The following SLCO1A2 variants were observed in gnomAD, a reference collection of about 807,000 sequenced individuals.
SLCO1A2 encodes the protein OATP-1.
A neutral mutation model predicts 69.0 loss-of-function variants in SLCO1A2; 67 were observed. The ratio of observed to expected loss-of-function variants is 0.97; its 90% CI spans 0.80 to 1.19. The LOEUF is 1.19. Among genes scored for constraint, SLCO1A2 ranks in the 50% most tolerant of loss-of-function variants. SLCO1A2 has a pLI of 0.00. For synonymous variants in SLCO1A2, 260 were observed against 265.9 expected (o/e 0.98, Z 0.22); for missense variants, 787 against 793.7 (o/e 0.99, Z 0.10).
chr12:21,289,820 G>A (rs1946555954), intron 12 of SLCO1A2, among the ~76,000 whole-genome samples: 1 of 151,936 alleles, frequency 6.6e-6, no homozygotes, highest in Non-Finnish European at 1.5e-5. Context: ...TAAAGTGGGG[G>A]CAGTCTTGTA....
At chr12:21,295,924 T>A in intron 9 of SLCO1A2, 132 bp from the exon 10 acceptor site, 1 of 589,454 alleles carries the variant, frequency 1.7e-6, no homozygotes, top group Non-Finnish European at 3.0e-6. Flanking sequence ...ATGATTTAAT[T>A]TTATCCCCAC....
rs1555105394 is a variant in SLCO1A2 at position 21,276,421 on chromosome 12, C to CAG, written c.1611-998_1611-997insCT. Among the ~76,000 whole-genome samples the CAG allele has an allele frequency of 2.5e-4, 37 of 145,296 alleles. 1 individual carries two copies. In the South Asian group the frequency reaches 7.6e-3, roughly 30 times the overall value. On this transcript the variant is annotated intron_variant, in intron 12 of 14. Transcript: ENST00000683939. ...ACACACACACACACACACACACACA[C>CAG]ACAGACCTATCTGTCCAAAATAGTG...
At chr12:21,354,848 G>A (rs996481479) in intron 2 of SLCO1A2, 1 of 151,228 alleles carries the variant, frequency 6.6e-6, no homozygotes, top group Non-Finnish European at 1.5e-5. Context: ...ATCTTTCTTT[G>A]GCTCCTACTT....
At chr12:21,299,365 C>G (rs1948216355) in intron 8 of SLCO1A2, among the ~76,000 whole-genome samples, 1 of 149,080 alleles carries the variant, frequency 6.7e-6, no homozygotes, top group Admixed American at 6.6e-5. Flanking sequence ...TATTGAGGTT[C>G]TGTACCAAAA....
intron 10 of SLCO1A2, 32 bp from the exon 11 acceptor site, chr12:21,294,142 T>A: frequency 6.8e-7 from 1 of 1,463,358 alleles, no homozygotes; most frequent in Non-Finnish European, 9.2e-7. Flanking sequence ...CCATAGATAT[T>A]AAAAGAGGAT....
At chr12:21,304,741 T>G (rs1949141722) in intron 5 of SLCO1A2, among the ~76,000 whole-genome samples, 168 bp from the exon 6 acceptor site, 1 of 152,224 alleles carries the variant, frequency 6.6e-6, no homozygotes, top group African/African-American at 2.4e-5. Context: ...TAGTGCATTT[T>G]CTGACAGTGG....
intron 2 of SLCO1A2, chr12:21,355,037 T>C (rs191597781): frequency 6.6e-6 from 1 of 152,258 alleles, no homozygotes; most frequent in African/African-American, 2.4e-5. Context: ...AAATGGCACA[T>C]ATGTTCAAAA....
In SLCO1A2 at chr12:21,280,825, T is replaced by C. The variant is rs577513862; in HGVS notation, c.1611-5401A>G. 3.3e-5 allele frequency among the ~76,000 whole-genome samples: 5 copies of C among 152,172 alleles called. No homozygotes were observed. The East Asian group carries it at 7.7e-4, about 23-fold the overall frequency. ...CCAGCACATGGATCATTCTCAAGGA[T>C]AGACCATATGTTAGCTCACAAACCA... On this transcript the variant is annotated intron_variant, in intron 12 of 14. Transcript: ENST00000683939.
intron 4 of SLCO1A2, among the ~76,000 whole-genome samples, chr12:21,309,868 GAGAATTGAA>G (rs1565489598): frequency 6.6e-6 from 1 of 152,166 alleles, no homozygotes; most frequent in Non-Finnish European, 1.5e-5. Flanking sequence ...ATTGCAGATG[GAGAATTGAA>G]AGTGATATGT....
intron 1 of SLCO1A2, among the ~76,000 whole-genome samples, chr12:21,375,648 G>A (rs1565522067): frequency 6.6e-6 from 1 of 152,156 alleles, no homozygotes; most frequent in Non-Finnish European, 1.5e-5. Context: ...CAATCACTAG[G>A]ATCTCCCTGC....
At chr12:21,388,915 T>C (rs886820990) in intron 1 of SLCO1A2, among the ~76,000 whole-genome samples, 4 of 152,174 alleles carry the variant, frequency 2.6e-5, no homozygotes, top group African/African-American at 9.7e-5. Flanking sequence ...TATGCAAACA[T>C]AGACCTAGAC....
chr12:21,340,699 C>T (rs1953038712), intron 2 of SLCO1A2, among the ~76,000 whole-genome samples: 1 of 151,864 alleles, frequency 6.6e-6, no homozygotes, highest in African/African-American at 2.4e-5. Flanking sequence ...CTACTATGAG[C>T]TTGCCTAGTG....
rs1947311172 is a variant in SLCO1A2, at chr12:21,293,937, T to C, written c.1437+8A>G. Reference sequence around the variant, plus strand: ...CTCAAAAAAGTTCTGTCAAATAGGATGTCTTACCATGTTTATTCCCGTTCC... The same window carrying C: ...CTCAAAAAAGTTCTGTCAAATAGGACGTCTTACCATGTTTATTCCCGTTCC... On this transcript the variant is annotated splice_region_variant and intron_variant, in intron 11 of 14. Coordinates refer to ENST00000683939, the MANE Select transcript of SLCO1A2 (RefSeq NM_001386879.1). 6.3e-7 allele frequency: 1 copy of C among 1,597,572 alleles called. No homozygotes were observed. The highest frequency in any genetic ancestry group is 2.3e-5 in the East Asian group (1 of 43,948).
intron 4 of SLCO1A2, among the ~76,000 whole-genome samples, chr12:21,312,306 A>G (rs2136648610): frequency 6.6e-6 from 1 of 152,342 alleles, no homozygotes; most frequent in South Asian, 2.1e-4. Flanking sequence ...TTCCTTCTGC[A>G]GCTTCCTAAT....
In SLCO1A2 at chr12:21,318,877, G is replaced by A. The variant is rs1396391515; in HGVS notation, c.107C>T (p.Ser36Phe). ...GAGCATGGAATTCATATAAGATCCA[G>A]ACAGTGTTTTGGATACAAATGCACA... ...ITCAFVSKTL[S>F]GSYMNSMLTQ... Residue 36 changes from serine (S) to phenylalanine (F), a missense_variant, in exon 3 of 15, where the codon TCT becomes TTT. Coordinates refer to ENST00000683939, the MANE Select transcript of SLCO1A2 (RefSeq NM_001386879.1). 5 of 1,608,996 alleles carry A rather than the reference G, an allele frequency of 3.1e-6. No individual in the cohort carries two copies. The highest frequency in any genetic ancestry group is 3.4e-6 in the Non-Finnish European group (4 of 1,177,368).
intron 1 of SLCO1A2, among the ~76,000 whole-genome samples, chr12:21,380,332 G>A (rs61927809): frequency 6.6e-6 from 1 of 152,112 alleles, no homozygotes; most frequent in African/African-American, 2.4e-5. Context: ...GCCTATGGTA[G>A]CATACAATTC....
chr12:21,334,125 T>G (rs1319626682), intron 2 of SLCO1A2, among the ~76,000 whole-genome samples: 2 of 152,052 alleles, frequency 1.3e-5, no homozygotes, highest in Non-Finnish European at 2.9e-5. Context: ...AAAATGGCCA[T>G]TTTTCTTACA....
chr12:21,366,469 C>T (rs1481497195), intron 2 of SLCO1A2, among the ~76,000 whole-genome samples: 1 of 152,036 alleles, frequency 6.6e-6, no homozygotes, highest in Non-Finnish European at 1.5e-5. Flanking sequence ...GGGTGCAGCA[C>T]ACCAACATGG....
At position 21,284,103 on chromosome 12, in the gene SLCO1A2, A is replaced by C. The variant is rs117453334; in HGVS notation, c.1610+8061T>G. Among the ~76,000 whole-genome samples, 970 of 152,330 alleles carry C rather than the reference A, an allele frequency of 6.4e-3. 5 individuals are homozygous for C. The highest frequency in any genetic ancestry group is 0.011 in the Non-Finnish European group (730 of 68,022). ...AAGAAAGGAAGTCAGTGTATCGAAG[A>C]GATATCTGCACTCCCATGTTTATTG... is the stretch of plus-strand genomic sequence containing the variant. On this transcript the variant is annotated intron_variant, in intron 12 of 14. Transcript: ENST00000683939.
Sources: gnomAD v4.1 joint callset for allele counts (sites outside exome capture counted in the v4.1 genomes callset) on GRCh38, gnomAD v4.1.1 for gene constraint, MANE v1.5 for transcripts, NCBI Gene and HGNC (gene_info 2026-07-23, HGNC 2026-07-21) for gene names.